RNF180: variants seen among roughly 807,000 people sequenced by gnomAD.
RNF180 encodes the protein ring finger protein 180, also known as E3 ubiquitin-protein ligase RNF180.
A neutral mutation model predicts 59.2 loss-of-function variants in RNF180; 38 were observed. The observed-to-expected ratio is 0.64, with a 90% CI of 0.50 to 0.84. The LOEUF is 0.84. Ranked by LOEUF, RNF180 falls within the 40% of genes least tolerant of loss-of-function variation. The pLI, the probability that RNF180 is intolerant of heterozygous loss-of-function variation, is 0.00. For synonymous variants in RNF180, 262 were observed against 240.3 expected (o/e 1.09, Z -0.84); for missense variants, 705 against 700.9 (o/e 1.01, Z -0.07).
At position 64,324,755 on chromosome 5, in the gene RNF180, G is replaced by C. The variant is rs184009396; in HGVS notation, c.1228-431G>C. The stretch of plus-strand genomic sequence containing the variant: ...AATGTTCCACACGCAGTATGAGAAT[G>C]AAGTATGACGTCTTCTGCCTTCACT... On this transcript the variant is annotated intron_variant, in intron 5 of 7. Transcript: ENST00000389100. Among the ~76,000 whole-genome samples, 219 of 152,252 alleles carry C rather than the reference G, an allele frequency of 1.4e-3. 1 individual carries two copies. The highest frequency in any genetic ancestry group is 5.1e-3 in the African/African-American group (210 of 41,534).
intron 5 of RNF180, among the ~76,000 whole-genome samples, chr5:64,234,059 T>A (rs1389272840): frequency 6.6e-6 from 1 of 152,244 alleles, no homozygotes; most frequent in Non-Finnish European, 1.5e-5. Context: ...GATTTAGCTG[T>A]ATGCTCTTGT....
chr5:64,305,855 A>G (rs1743417892), intron 5 of RNF180, among the ~76,000 whole-genome samples: 1 of 151,604 alleles, frequency 6.6e-6, no homozygotes, highest in African/African-American at 2.4e-5. Context: ...AGCATCCACT[A>G]TAACAGACAT....
chr5:64,371,857 C>G lies in RNF180; in HGVS notation c.*2043C>G, dbSNP rs1453591446. The stretch of plus-strand genomic sequence containing the variant: ...CCTAGATCTACCAGCTTATAAGAAG[C>G]CAGATAAAATCTCAGATGGAAAGAA... On this transcript the variant is annotated 3_prime_UTR_variant, in exon 8 of 8. Transcript: ENST00000389100. The G allele has an allele frequency of 6.6e-6, 1 of 151,288 alleles. No homozygotes were observed. The allele number at this position is 151,288 out of a possible 1,614,324, so 9.4% of individuals were successfully genotyped here.
At chr5:64,358,854 A>T (rs888586810) in intron 7 of RNF180, among the ~76,000 whole-genome samples, 1 of 144,466 alleles carries the variant, frequency 6.9e-6, no homozygotes, top group East Asian at 2.1e-4. Flanking sequence ...CTCATTGTTC[A>T]GTTCCCACCT....
chr5:64,305,767 C>T (rs1414575925), intron 5 of RNF180, among the ~76,000 whole-genome samples: 2 of 151,408 alleles, frequency 1.3e-5, no homozygotes, highest in East Asian at 3.9e-4. Context: ...TTATTTATTT[C>T]TCATGTTTCA....
chr5:64,213,605 T>C lies in RNF180; in HGVS notation c.279T>C (p.Arg93=), dbSNP rs750953555. Residue 93 remains arginine, a synonymous_variant, in exon 4 of 8, where the codon CGT becomes CGC. Transcript: ENST00000389100. The part of the protein sequence containing the change: ...GKLNCPFCGA[R]LGGFNFVSTP... ...TGAATTGTCCTTTCTGTGGGGCCCG[T>C]TTAGGGGGCTTTAATTTTGTCAGCA... The C allele has an allele frequency of 2.4e-5, 38 of 1,614,026 alleles. No homozygotes were observed. In the East Asian group the frequency reaches 8.2e-4, roughly 35 times the overall value.
rs73105067 is a variant in RNF180 at position 64,368,419 on chromosome 5, T to C, written c.1580-1196T>C. ...CCCACAAATTTTTGAAGAAATCAGA[T>C]AGTATAGATGAGAAATTCATGACCA... On this transcript the variant is annotated intron_variant, in intron 7 of 7. Coordinates refer to ENST00000389100, the MANE Select transcript of RNF180 (RefSeq NM_001113561.2). Among the ~76,000 whole-genome samples, 756 of 151,848 alleles carry C rather than the reference T, an allele frequency of 5.0e-3. 10 individuals carry two copies. The highest frequency in any genetic ancestry group is 0.017 in the African/African-American group (708 of 41,486).
At chr5:64,176,194 T>C (rs1750222005) in intron 1 of RNF180, among the ~76,000 whole-genome samples, 1 of 152,184 alleles carries the variant, frequency 6.6e-6, no homozygotes, top group African/African-American at 2.4e-5. Flanking sequence ...TTCTTCATAG[T>C]TCAATCTTGG....
chr5:64,302,348 C>A (rs1485725514), intron 5 of RNF180, among the ~76,000 whole-genome samples: 2 of 151,428 alleles, frequency 1.3e-5, no homozygotes, highest in Non-Finnish European at 1.5e-5. Context: ...TTTTTTAGTT[C>A]GGATTCTGTT....
chr5:64,248,173 A>G (rs1357139610), intron 5 of RNF180, among the ~76,000 whole-genome samples: 1 of 152,244 alleles, frequency 6.6e-6, no homozygotes, highest in Non-Finnish European at 1.5e-5. Flanking sequence ...AAACATAGGC[A>G]GTACCATCCA....
intron 5 of RNF180, among the ~76,000 whole-genome samples, chr5:64,252,552 G>A (rs1408216536): frequency 6.6e-6 from 1 of 151,958 alleles, no homozygotes; most frequent in East Asian, 1.9e-4. Flanking sequence ...ATACATACAA[G>A]GTTTTTTGTC....
At chr5:64,317,622 A>T (rs1488217656) in intron 5 of RNF180, among the ~76,000 whole-genome samples, 1 of 109,442 alleles carries the variant, frequency 9.1e-6, no homozygotes, top group Non-Finnish European at 1.7e-5. Context: ...ACACACATAT[A>T]TACACACACA....
chr5:64,220,861 CT>C (rs908351807), intron 5 of RNF180, among the ~76,000 whole-genome samples: 6 of 152,048 alleles, frequency 3.9e-5, no homozygotes, highest in African/African-American at 1.4e-4. Context: ...ACTGAGTCAT[CT>C]ACAGTAATTC....
Position 64,214,001 on chromosome 5 carries a change from TA to T in RNF180, c.676del (p.Arg226GlufsTer8), listed in dbSNP as rs1229148915. The T allele has an allele frequency of 1.2e-6, 2 of 1,614,146 alleles. No individual in the cohort carries two copies. Among genetic ancestry groups the T allele is most frequent in the Admixed American group, 3.3e-5 (2 of 59,986 alleles). On this transcript the variant is annotated frameshift_variant, in exon 4 of 8. Coordinates refer to ENST00000389100, the MANE Select transcript of RNF180 (RefSeq NM_001113561.2). LOFTEE classifies it high-confidence loss of function. ...TGRCATRAFH[R>X]KSHSLDLNIS... ...GCAGATGCGCTACAAGAGCTTTTCA[TA>T]GAAAATCACATAGTTTGGATCTGAA...
chr5:64,300,735 G>A (rs1410521311), intron 5 of RNF180, among the ~76,000 whole-genome samples: 2 of 151,734 alleles, frequency 1.3e-5, no homozygotes, highest in Non-Finnish European at 2.9e-5. Flanking sequence ...ACTCTCCCCT[G>A]CCATTGCACA....
chr5:64,171,687 A>C (rs1270352115), intron 1 of RNF180, among the ~76,000 whole-genome samples: 1 of 152,234 alleles, frequency 6.6e-6, no homozygotes, highest in African/African-American at 2.4e-5. Context: ...ACCATTATGG[A>C]TAAGGGAATG....
chr5:64,332,705 A>G (rs746876600), intron 7 of RNF180, among the ~76,000 whole-genome samples: 2 of 152,226 alleles, frequency 1.3e-5, no homozygotes, highest in South Asian at 2.1e-4. Context: ...ATAAAATATA[A>G]TTTCATCTTT....
At chr5:64,266,593 C>A (rs1350656890) in intron 5 of RNF180, among the ~76,000 whole-genome samples, 2 of 152,116 alleles carry the variant, frequency 1.3e-5, no homozygotes, top group Non-Finnish European at 2.9e-5. Context: ...ATCAAAATTT[C>A]ATCACTGTAT....
chr5:64,305,489 T>C (rs987770400), intron 5 of RNF180, among the ~76,000 whole-genome samples: 20 of 151,624 alleles, frequency 1.3e-4, no homozygotes, highest in Admixed American at 3.3e-4. Context: ...TTTTTTTTTT[T>C]AAGCTCATTT....
Sources: gnomAD v4.1 joint callset for allele counts (sites outside exome capture counted in the v4.1 genomes callset) on GRCh38, gnomAD v4.1.1 for gene constraint, MANE v1.5 for transcripts, NCBI Gene and HGNC (gene_info 2026-07-23, HGNC 2026-07-21) for gene names.